The following B4GALNT3 variants were observed in gnomAD, a reference collection of about 807,000 sequenced individuals.
B4GALNT3 encodes beta-1,4-N-acetyl-galactosaminyltransferase 3, also known as beta-1,4-N-acetylgalactosaminyltransferase 3.
B4GALNT3 carries 86 observed loss-of-function variants against 120.2 expected under a neutral mutation model. That is an observed-to-expected ratio of 0.72 (90% CI 0.60 to 0.86). B4GALNT3 has a LOEUF of 0.86. B4GALNT3 is among the 40% of genes least tolerant of loss of function. The pLI is 0.00. For synonymous variants in B4GALNT3, 518 were observed against 510.4 expected, an observed-to-expected ratio of 1.01 and a Z score of -0.20; for missense variants, 1,167 against 1,298.9, an observed-to-expected ratio of 0.90 and a Z score of 1.56.
At chr12:487,244 GA>G (rs1946298535) in intron 1 of B4GALNT3, among the ~76,000 whole-genome samples, 2 of 152,126 alleles carry the variant, frequency 1.3e-5, no homozygotes, top group Non-Finnish European at 2.9e-5. Flanking sequence ...GGAAAAGAGA[GA>G]AACAGAAGCA....
intron 1 of B4GALNT3, among the ~76,000 whole-genome samples, chr12:467,325 A>G (rs1028904541): frequency 6.6e-6 from 1 of 152,146 alleles, no homozygotes; most frequent in African/African-American, 2.4e-5. Context: ...TTGGGAGGCC[A>G]AGGTGGGCAG....
chr12:461,674 G>A (rs7966590), intron 1 of B4GALNT3, among the ~76,000 whole-genome samples: 70,975 of 152,056 alleles, frequency 0.47, 18,637 homozygotes, highest in Middle Eastern at 0.68. Flanking sequence ...ACCTGTCGTC[G>A]TGTCAGCTTC....
chr12:519,910 C>T (rs1441563438), intron 1 of B4GALNT3, among the ~76,000 whole-genome samples: 2 of 152,144 alleles, frequency 1.3e-5, no homozygotes, highest in East Asian at 1.9e-4. Context: ...TCTCATTGGC[C>T]GGGTTAGTCC....
At chr12:557,953 A>T (rs572744453) in intron 16 of B4GALNT3, 63 bp from the exon 17 acceptor site, 1 of 1,573,802 alleles carries the variant, frequency 6.4e-7, no homozygotes, top group African/African-American at 1.4e-5. Context: ...ATGCCTGCCA[A>T]CTTCCTCCAG....
chr12:541,354 T>C (rs186650723), intron 3 of B4GALNT3, among the ~76,000 whole-genome samples: 3 of 152,336 alleles, frequency 2.0e-5, no homozygotes, highest in Admixed American at 2.0e-4. Context: ...CTTCTGACTT[T>C]GGAAGTTTCA....
chr12:500,865 C>CCTTTTTT (rs2043817132), intron 1 of B4GALNT3, among the ~76,000 whole-genome samples: 2 of 61,830 alleles, frequency 3.2e-5, no homozygotes, highest in African/African-American at 7.5e-5. Context: ...GGCTCCACTG[C>CCTTTTTT]TTTTTTTTTT....
intron 1 of B4GALNT3, among the ~76,000 whole-genome samples, chr12:515,875 T>C (rs1402805762): frequency 1.3e-5 from 2 of 152,174 alleles, no homozygotes; most frequent in African/African-American, 4.8e-5. Context: ...CAGTGGCTCA[T>C]GCCTGTAATC....
At chr12:512,947 C>CTTCCACCTTCCACCTTCCACT (rs1946609553) in intron 1 of B4GALNT3, among the ~76,000 whole-genome samples, 3 of 139,570 alleles carry the variant, frequency 2.1e-5, no homozygotes, top group African/African-American at 7.7e-5. Context: ...CTTCCACCTT[C>CTTCCACCTTCCACCTTCCACT]TTCCACCTTC....
chr12:554,569 T>A (rs12823820), intron 14 of B4GALNT3, among the ~76,000 whole-genome samples: 55,003 of 150,524 alleles, frequency 0.37, 11,545 homozygotes, highest in African/African-American at 0.58. Context: ...GGCGGGCGGA[T>A]CACGAGGTCA....
At chr12:545,817 G>GAT (rs1946995054) in intron 6 of B4GALNT3, among the ~76,000 whole-genome samples, 1 of 90,458 alleles carries the variant, frequency 1.1e-5, no homozygotes, top group Non-Finnish European at 2.1e-5. Context: ...GGAGTGGGGA[G>GAT]GAGCGAGGAG....
chr12:479,164 T>C (rs1358439618), intron 1 of B4GALNT3, among the ~76,000 whole-genome samples: 1 of 152,174 alleles, frequency 6.6e-6, no homozygotes, highest in Non-Finnish European at 1.5e-5. Context: ...CTCTCTGCAG[T>C]GACCTGACTC....
chr12:507,639 A>T (rs975783342), intron 1 of B4GALNT3, among the ~76,000 whole-genome samples: 2 of 152,244 alleles, frequency 1.3e-5, no homozygotes, highest in African/African-American at 4.8e-5. Flanking sequence ...CTGTGTTTAC[A>T]TACAAGAGTT....
At chr12:521,829 G>A (rs1451110510) in intron 1 of B4GALNT3, among the ~76,000 whole-genome samples, 1 of 152,222 alleles carries the variant, frequency 6.6e-6, no homozygotes, top group Non-Finnish European at 1.5e-5. Context: ...TCGGCACTGA[G>A]CTGGAGCTTC....
chr12:512,920 TGCCTTCC>T (rs1946608368), intron 1 of B4GALNT3, among the ~76,000 whole-genome samples: 1 of 108,792 alleles, frequency 9.2e-6, no homozygotes. Context: ...TTCCACCTTC[TGCCTTCC>T]ACCTTCCACC....
At chr12:545,504 C>G (rs750289953) in intron 6 of B4GALNT3, 35 bp downstream of exon 6, 2 of 1,543,808 alleles carry the variant, frequency 1.3e-6, no homozygotes, top group South Asian at 2.4e-5. Context: ...CTCCCATCTG[C>G]TCCTGGAGCC....
At chr12:481,737 G>A (rs543129643) in intron 1 of B4GALNT3, among the ~76,000 whole-genome samples, 29 of 152,270 alleles carry the variant, frequency 1.9e-4, no homozygotes, top group African/African-American at 6.0e-4. Context: ...AGTCTCAGCC[G>A]CCCTGCAGGG....
chr12:516,100 A>C (rs1218866729), intron 1 of B4GALNT3, among the ~76,000 whole-genome samples: 2 of 151,170 alleles, frequency 1.3e-5, no homozygotes, highest in East Asian at 1.9e-4. Flanking sequence ...GAGCCGAGAT[A>C]GTGCCACTGC....
chr12:549,786 A>G lies in B4GALNT3; in HGVS notation c.871A>G (p.Met291Val). 3 of 1,613,766 alleles carry G rather than the reference A, an allele frequency of 1.9e-6. No individual in the cohort carries two copies. Among genetic ancestry groups the G allele is most frequent in the Non-Finnish European group, 2.5e-6 (3 of 1,180,030 alleles). Reference sequence around the variant, plus strand: ...GCGCCCAGATGAGACGTTCCTACAGATGGATGAGGTGGGCCACATCCCACA... The same window carrying G: ...GCGCCCAGATGAGACGTTCCTACAGGTGGATGAGGTGGGCCACATCCCACA... ...SLFTNETFLQ[M>V]DEVGHIPQTA... is the part of the protein sequence containing the mutation. Residue 291 changes from methionine (M) to valine (V), a missense_variant, in exon 10 of 20, where the codon ATG (methionine) becomes GTG (valine). Physicochemically the swap from Met to Val is conservative, Grantham distance 21. Coordinates refer to ENST00000266383, the MANE Select transcript of B4GALNT3 (RefSeq NM_173593.4).
In B4GALNT3 at chr12:487,678, A is replaced by C. The variant is rs1946302424; in HGVS notation, c.169+27133A>C. Among the ~76,000 whole-genome samples, 6 of 151,272 alleles carry C rather than the reference A, an allele frequency of 4.0e-5. No homozygotes were observed. In the South Asian group the frequency reaches 1.3e-3, roughly 32 times the overall value. On this transcript the variant is annotated intron_variant, in intron 1 of 19. Coordinates refer to ENST00000266383, the MANE Select transcript of B4GALNT3 (RefSeq NM_173593.4). ...CAGTGAGCCGAGATCGTGCCACTGC[A>C]CTCCAGCCTGGGCAACAGAGCGAGA...
Sources: gnomAD v4.1 joint callset for allele counts (sites outside exome capture counted in the v4.1 genomes callset) on GRCh38, gnomAD v4.1.1 for gene constraint, MANE v1.5 for transcripts, NCBI Gene and HGNC (gene_info 2026-07-23, HGNC 2026-07-21) for gene names.